SESTD1: variants seen among roughly 807,000 people sequenced by gnomAD.
The protein encoded by SESTD1 is SEC14 domain and spectrin repeat-containing protein 1.
Under a neutral mutation model 101.7 loss-of-function variants are expected in SESTD1, and 43 were observed. That is an observed-to-expected ratio of 0.42 (90% confidence interval 0.33 to 0.55). SESTD1 has a LOEUF of 0.55. SESTD1 is among the 20% of genes least tolerant of loss of function. The probability of loss-of-function intolerance (pLI) is 0.07; values close to 1 mark genes in which losing one functional copy is unlikely to be tolerated. For synonymous variants in SESTD1, 283 were observed against 286.8 expected (o/e 0.99, Z 0.13); for missense variants, 647 against 815.1 (o/e 0.79, Z 2.51).
chr2:179,148,466 G>A (rs112641225), intron 7 of SESTD1, among the ~76,000 whole-genome samples: 2 of 152,292 alleles, frequency 1.3e-5, no homozygotes, highest in African/African-American at 4.8e-5. Context: ...AATCTAGGTA[G>A]TTACATTCAG....
intron 1 of SESTD1, among the ~76,000 whole-genome samples, chr2:179,243,961 T>TATAC (rs1281884209): frequency 0.052 from 7,412 of 143,830 alleles, 203 homozygotes; most frequent in South Asian, 0.081. Context: ...TATATATATA[T>TATAC]ACACACACAC....
chr2:179,160,937 T>C (rs1007486165), intron 5 of SESTD1, among the ~76,000 whole-genome samples: 1 of 152,056 alleles, frequency 6.6e-6, no homozygotes, highest in Admixed American at 6.6e-5. Context: ...CCTTAAACAA[T>C]TATTTTTTTT....
chr2:179,150,093 C>T (rs1195801772), intron 6 of SESTD1, among the ~76,000 whole-genome samples: 1 of 152,098 alleles, frequency 6.6e-6, no homozygotes, highest in Non-Finnish European at 1.5e-5. Flanking sequence ...GGCATGGTGG[C>T]ATGCACTTGC....
At chr2:179,185,316 T>C (rs1575468595) in intron 2 of SESTD1, among the ~76,000 whole-genome samples, 1 of 148,502 alleles carries the variant, frequency 6.7e-6, no homozygotes, top group East Asian at 1.9e-4. Flanking sequence ...CAGAGTATAA[T>C]ATATAATATA....
intron 1 of SESTD1, among the ~76,000 whole-genome samples, chr2:179,229,749 T>TTATATATATATATATATATA (rs71023472): frequency 0.012 from 1,293 of 106,016 alleles, 25 homozygotes; most frequent in South Asian, 0.017. Flanking sequence ...TTGTAAGAAC[T>TTATATATATATATATATATA]TATATATATA....
In SESTD1 at chr2:179,214,625, G is replaced by A. The variant is rs906344622; in HGVS notation, c.-25-22759C>T. ...ATATCCAGGACTTGAACTCAGCTCTGCACCAAGCAGACCTAATAGATGTCT... is the reference window on the plus strand; with the variant it reads ...ATATCCAGGACTTGAACTCAGCTCTACACCAAGCAGACCTAATAGATGTCT... On this transcript the variant is annotated intron_variant, in intron 1 of 17. Transcript: ENST00000428443. Among the ~76,000 whole-genome samples, 2 of 134,458 alleles carry A rather than the reference G, an allele frequency of 1.5e-5. 1 individual carries two copies. Among genetic ancestry groups the A allele is most frequent in the African/African-American group, 5.9e-5 (2 of 33,972 alleles). 88.2% of individuals were successfully genotyped at this position (134,458 alleles called of 152,430 possible).
intron 2 of SESTD1, 124 bp downstream of exon 2, chr2:179,191,661 ATG>A (rs1294383610): frequency 1.3e-6 from 1 of 773,376 alleles, no homozygotes; most frequent in Non-Finnish European, 2.1e-6. Flanking sequence ...TGATTTAAAG[ATG>A]TCTTAGAAAT....
intron 15 of SESTD1, 55 bp from the exon 16 acceptor site, chr2:179,115,311 T>C: frequency 3.0e-6 from 4 of 1,352,434 alleles, no homozygotes; most frequent in Non-Finnish European, 4.0e-6. Flanking sequence ...AAGAGAAGGA[T>C]GGGGAAAGTG....
At chr2:179,251,286 T>C (rs1574068740) in intron 1 of SESTD1, among the ~76,000 whole-genome samples, 1 of 152,188 alleles carries the variant, frequency 6.6e-6, no homozygotes, top group Non-Finnish European at 1.5e-5. Flanking sequence ...AGGAACTGGG[T>C]GTGGCCACAG....
chr2:179,121,787 C>A lies in SESTD1; in HGVS notation c.1425G>T (p.Met475Ile). Residue 475 changes from methionine (M) to isoleucine (I), a missense_variant, in exon 13 of 18, where the codon ATG becomes ATT. This residue lies in a region of SESTD1 where 476 missense variants were observed against 562.6 expected (regional missense o/e 0.85). Coordinates refer to ENST00000428443, the MANE Select transcript of SESTD1 (RefSeq NM_178123.5). ...AACTTTGCCTTTGTTTTCTAAGCTG[C>A]ATATCTTCCATCACTCCTTGTATGT... ...VDHIQGVMED[M>I]QLRKQRCEDM... 1.3e-6 allele frequency: 2 copies of A among 1,583,396 alleles called. No homozygotes were observed. The highest frequency in any genetic ancestry group is 1.2e-5 in the South Asian group (1 of 84,904).
At chr2:179,233,280 A>T (rs1352380068) in intron 1 of SESTD1, among the ~76,000 whole-genome samples, 1 of 152,200 alleles carries the variant, frequency 6.6e-6, no homozygotes, top group Non-Finnish European at 1.5e-5. Flanking sequence ...AGCAATTCTA[A>T]ATTACTTTTT....
chr2:179,165,379 C>T (rs1461884439), intron 5 of SESTD1, among the ~76,000 whole-genome samples: 1 of 152,174 alleles, frequency 6.6e-6, no homozygotes, highest in Non-Finnish European at 1.5e-5. Flanking sequence ...TAACATAAGA[C>T]CCAACTACCA....
intron 15 of SESTD1, among the ~76,000 whole-genome samples, chr2:179,115,640 T>C (rs963107471): frequency 2.0e-5 from 3 of 152,028 alleles, no homozygotes; most frequent in South Asian, 2.1e-4. Flanking sequence ...CCTAGCTACC[T>C]TGGAGGCTGA....
At position 179,210,932 on chromosome 2, in the gene SESTD1, C is replaced by A. The variant is rs536664717; in HGVS notation, c.-25-19066G>T. Among the ~76,000 whole-genome samples, 3 of 133,952 alleles carry A rather than the reference C, an allele frequency of 2.2e-5. No homozygotes were observed. The South Asian group carries it at 8.6e-4, about 38-fold the overall frequency. The allele number at this position is 133,952 out of a possible 152,430, so 87.9% of individuals were successfully genotyped here. A position where few individuals can be genotyped will look rare whatever the true frequency, so the allele number is the denominator to read the frequency against. ...GACATGATTGTAGACCAATACAACA[C>A]TAAAAAACTCCTAGATCTGATCAAT... On this transcript the variant is annotated intron_variant, in intron 1 of 17. Coordinates refer to ENST00000428443, the MANE Select transcript of SESTD1 (RefSeq NM_178123.5).
intron 1 of SESTD1, among the ~76,000 whole-genome samples, chr2:179,238,383 C>T (rs749790247): frequency 2.6e-5 from 4 of 152,044 alleles, no homozygotes; most frequent in Non-Finnish European, 4.4e-5. Context: ...CTTCTCATGG[C>T]CTTAGAAATC....
chr2:179,180,666 C>A (rs1367934198), intron 3 of SESTD1, among the ~76,000 whole-genome samples: 2 of 152,166 alleles, frequency 1.3e-5, no homozygotes, highest in Non-Finnish European at 2.9e-5. Flanking sequence ...CGTATAATTC[C>A]TTCAACTTTC....
At chr2:179,128,727 CAA>C (rs747412908) in intron 10 of SESTD1, among the ~76,000 whole-genome samples, 15 of 73,664 alleles carry the variant, frequency 2.0e-4, no homozygotes, top group Non-Finnish European at 2.1e-4. Context: ...GACACTGTCT[CAA>C]AAAAAAAAAA....
In SESTD1 at chr2:179,202,646, G is replaced by A. The variant is rs535881144; in HGVS notation, c.-25-10780C>T. On this transcript the variant is annotated intron_variant, in intron 1 of 17. Transcript: ENST00000428443. ...TCCAATAAGGAAAAACAGTCACAAAGCAAGAGGTTTGTCTCCCTTTTTGGC... is the reference window on the plus strand; with the variant it reads ...TCCAATAAGGAAAAACAGTCACAAAACAAGAGGTTTGTCTCCCTTTTTGGC... Among the ~76,000 whole-genome samples the A allele has an allele frequency of 1.5e-5, 2 of 134,972 alleles. 1 individual carries two copies. Among genetic ancestry groups the A allele is most frequent in the Non-Finnish European group, 3.2e-5 (2 of 62,758 alleles). 88.5% of individuals were successfully genotyped at this position (134,972 alleles called of 152,430 possible).
chr2:179,156,827 T>C (rs1237823323), intron 5 of SESTD1, among the ~76,000 whole-genome samples: 1 of 152,220 alleles, frequency 6.6e-6, no homozygotes, highest in Non-Finnish European at 1.5e-5. Context: ...TTAATTTCAT[T>C]AGGTCCCAGC....
Sources: gnomAD v4.1 joint callset for allele counts (sites outside exome capture counted in the v4.1 genomes callset) on GRCh38, gnomAD v4.1.1 for gene constraint, gnomAD v4.1.1 regional missense constraint, MANE v1.5 for transcripts, NCBI Gene and HGNC (gene_info 2026-07-23, HGNC 2026-07-21) for gene names.